The following GOSR2 variants were observed in gnomAD, a reference collection of about 807,000 sequenced individuals.
GOSR2 encodes the protein 27 kDa Golgi SNARE protein.
A neutral mutation model predicts 27.9 loss-of-function variants in GOSR2; 20 were observed. That is an observed-to-expected ratio of 0.72 (90% confidence interval 0.50 to 1.04). The LOEUF is 1.04. Among genes scored for constraint, GOSR2 ranks in the 50% least tolerant of loss-of-function variants. The pLI, the probability that GOSR2 is intolerant of heterozygous loss-of-function variation, is 0.00. For synonymous variants in GOSR2, 91 were observed against 98.8 expected (o/e 0.92, Z 0.47); for missense variants, 261 against 270.5 (o/e 0.97, Z 0.25).
exon 7 of GOSR2, chr17:46,966,928 A>ATC (rs1491326936): frequency 7.8e-5 from 30 of 386,696 alleles, no homozygotes; most frequent in African/African-American, 6.0e-4. Context: ...TTTTATTTGA[A>ATC]TCTGGCTAGA....
At chr17:46,955,574 T>A (rs1312507624) in intron 6 of GOSR2, 1 of 152,142 alleles carries the variant, frequency 6.6e-6, no homozygotes, top group East Asian at 1.9e-4. Flanking sequence ...CTACACTTAT[T>A]AAGGAAAAAC....
At chr17:46,948,958 C>G (rs1325425784) in intron 6 of GOSR2, 1 of 152,192 alleles carries the variant, frequency 6.6e-6, no homozygotes, top group Non-Finnish European at 1.5e-5. Context: ...AACTGAGCAC[C>G]CACCAGGTGC....
intron 4 of GOSR2, chr17:46,932,565 A>C: frequency 2.0e-6 from 1 of 489,446 alleles, no homozygotes; most frequent in East Asian, 3.4e-5. Flanking sequence ...CAGCATTTCA[A>C]AGCTGCCTGC....
intron 2 of GOSR2, chr17:46,930,047 ATT>A (rs35194907): frequency 2.2e-3 from 276 of 124,068 alleles, no homozygotes; most frequent in Admixed American, 3.7e-3. Context: ...GTTTTTTTTC[ATT>A]TTTTTTTTTT....
chr17:46,960,757 G>A (rs914692729), intron 6 of GOSR2, among the ~76,000 whole-genome samples: 2 of 152,190 alleles, frequency 1.3e-5, no homozygotes, highest in African/African-American at 4.8e-5. Flanking sequence ...AGATGGAAAA[G>A]GCAGCTTATT....
downstream of GOSR2, among the ~76,000 whole-genome samples, chr17:46,971,029 G>A (rs2091386769): frequency 1.3e-5 from 2 of 152,014 alleles, no homozygotes; most frequent in Non-Finnish European, 2.9e-5. Flanking sequence ...TTTTTTTGTT[G>A]CTATAAATGT....
intron 6 of GOSR2, among the ~76,000 whole-genome samples, chr17:46,947,240 C>G (rs1436482777): frequency 1.3e-5 from 2 of 152,134 alleles, no homozygotes; most frequent in African/African-American, 4.8e-5. Context: ...AGTTACTGCT[C>G]AGGAAGCAGG....
intron 4 of GOSR2, 131 bp from the exon 5 acceptor site, chr17:46,934,898 T>TTAGGGTCCGCTGATTCTTTC: frequency 1.2e-6 from 1 of 805,854 alleles, no homozygotes; most frequent in Non-Finnish European, 2.2e-6. Context: ...TTCTTATCCA[T>TTAGGGTCCGCTGATTCTTTC]TAGGGTCCGC....
intron 5 of GOSR2, chr17:46,936,060 G>C (rs2146994204): frequency 2.0e-6 from 2 of 985,812 alleles, no homozygotes; most frequent in East Asian, 1.1e-4. Flanking sequence ...ATCTCTACGG[G>C]GGAGAGGGTC....
chr17:46,954,701 T>C (rs4381655), intron 6 of GOSR2, among the ~76,000 whole-genome samples: 67,880 of 152,014 alleles, frequency 0.45, 15,367 homozygotes, highest in South Asian at 0.52. Flanking sequence ...TTTTATTTCA[T>C]TGAGCAGTGG....
At chr17:46,962,151 C>T (rs565319082) in intron 6 of GOSR2, among the ~76,000 whole-genome samples, 36 of 152,096 alleles carry the variant, frequency 2.4e-4, no homozygotes, top group African/African-American at 8.7e-4. Flanking sequence ...CATGGTGAAA[C>T]CCTGTCTCTA....
At chr17:46,963,508 C>T (rs1233557876) in intron 6 of GOSR2, among the ~76,000 whole-genome samples, 6 of 149,722 alleles carry the variant, frequency 4.0e-5, no homozygotes, top group Non-Finnish European at 8.8e-5. Flanking sequence ...TCACACCACG[C>T]ACTCCAGCCT....
Position 46,923,319 on chromosome 17 carries a change from G to C in GOSR2, c.29+98G>C, listed in dbSNP as rs891407619. The C allele has an allele frequency of 5.2e-6, 8 of 1,540,878 alleles. No individual in the cohort carries two copies. The African/African-American group carries it at 1.1e-4, about 21-fold the overall frequency. The stretch of plus-strand genomic sequence containing the variant: ...GCCTCGGACGTCAGCCAGGGTAGAG[G>C]CCGAGTTTTTCCGCCAGGGCACTGC... On this transcript the variant is annotated intron_variant, in intron 1 of 5. Transcript: ENST00000640051.
intron 2 of GOSR2, chr17:46,929,876 G>A (rs191821335): frequency 1.2e-5 from 4 of 328,808 alleles, no homozygotes; most frequent in East Asian, 1.2e-4. Flanking sequence ...GTCCTTAGAG[G>A]AATGTACTCC....
intron 6 of GOSR2, among the ~76,000 whole-genome samples, chr17:46,951,370 A>T (rs1172413278): frequency 6.6e-6 from 1 of 151,974 alleles, no homozygotes; most frequent in African/African-American, 2.4e-5. Flanking sequence ...CTCCTTACCC[A>T]TCAATTTCAT....
intron 1 of GOSR2, among the ~76,000 whole-genome samples, chr17:46,928,876 T>C (rs189109309): frequency 6.6e-6 from 1 of 152,300 alleles, no homozygotes; most frequent in Non-Finnish European, 1.5e-5. Context: ...CAGAACTCTT[T>C]CCATCCACAT....
downstream of GOSR2, among the ~76,000 whole-genome samples, chr17:46,968,065 CTT>C (rs2091353902): frequency 6.6e-6 from 1 of 151,994 alleles, no homozygotes; most frequent in African/African-American, 2.4e-5. Context: ...GGATGGGGGC[CTT>C]CTTCAGCTTG....
chr17:46,941,100 T>A lies in GOSR2; in HGVS notation c.*2340T>A. The A allele has an allele frequency of 9.7e-7, 1 of 1,031,272 alleles. No homozygotes were observed. The highest frequency in any genetic ancestry group is 1.7e-5 in the African/African-American group (1 of 59,666). 63.9% of individuals were successfully genotyped at this position (1,031,272 alleles called of 1,614,324 possible). On this transcript the variant is annotated 3_prime_UTR_variant, in exon 6 of 6. Transcript: ENST00000640051. ...GTACATGAGTTTGGTGTGCCTATTGTGATTTAAAACAGGTGGGTTATCAAG... is the reference window on the plus strand; with the variant it reads ...GTACATGAGTTTGGTGTGCCTATTGAGATTTAAAACAGGTGGGTTATCAAG...
chr17:46,961,721 TGCAA>T (rs1327560172), intron 6 of GOSR2, among the ~76,000 whole-genome samples: 1 of 152,118 alleles, frequency 6.6e-6, no homozygotes, highest in African/African-American at 2.4e-5. Flanking sequence ...ATAGAAAATT[TGCAA>T]GCAATGAGTT....
Sources: gnomAD v4.1 joint callset for allele counts (sites outside exome capture counted in the v4.1 genomes callset) on GRCh38, gnomAD v4.1.1 for gene constraint, MANE v1.5 for transcripts, NCBI Gene and HGNC (gene_info 2026-07-23, HGNC 2026-07-21) for gene names.